The following EEPD1 variants were observed in gnomAD, a reference collection of about 807,000 sequenced individuals.
The protein encoded by EEPD1 is endonuclease/exonuclease/phosphatase family domain containing 1.
A neutral mutation model predicts 46.3 loss-of-function variants in EEPD1; 17 were observed. The observed-to-expected ratio is 0.37, with a 90% CI of 0.25 to 0.55. The LOEUF (loss-of-function observed/expected upper bound fraction) is 0.55, where lower values mean the gene tolerates loss of function less well. Among genes scored for constraint, EEPD1 ranks in the 20% least tolerant of loss-of-function variants. EEPD1 has a pLI of 0.83. For missense variants in EEPD1, 673 were observed against 745.6 expected (o/e 0.90, Z 1.13); for synonymous variants, 313 against 315.6 (o/e 0.99, Z 0.09).
chr7:36,293,223 A>G (rs1463037608), intron 6 of EEPD1, among the ~76,000 whole-genome samples: 1 of 152,212 alleles, frequency 6.6e-6, no homozygotes, highest in African/African-American at 2.4e-5. Flanking sequence ...ATAAGACTTC[A>G]GTGAAGAATT....
intron 6 of EEPD1, among the ~76,000 whole-genome samples, chr7:36,293,465 T>C (rs1360023824): frequency 2.0e-5 from 3 of 152,204 alleles, no homozygotes; most frequent in African/African-American, 7.2e-5. Context: ...TAAATCAGAA[T>C]CTCTACAGGT....
rs1308469223 is a variant in EEPD1 at position 36,154,987 on chromosome 7, C to T, written c.663C>T (p.Pro221=). The part of the protein sequence containing the change: ...LTFTAKPHPS[P]TSLSLQSEDL... ...TCACCGCCAAGCCTCACCCGAGCCC[C>T]ACTTCCCTGAGCCTGCAGAGTGAGG... Residue 221 remains proline (P), a synonymous_variant, in exon 2 of 8, where the codon CCC becomes CCT. Coordinates refer to ENST00000242108, the MANE Select transcript of EEPD1 (RefSeq NM_030636.3). This position sits in a 1 kb window ranked among gnomAD's most constrained non-coding sequence, Gnocchi z 4.2. 6.2e-7 allele frequency: 1 copy of T among 1,613,448 alleles called. No individual in the cohort carries two copies. Among genetic ancestry groups the T allele is most frequent in the Non-Finnish European group, 8.5e-7 (1 of 1,179,710 alleles).
At chr7:36,283,974 C>T (rs1787300470) in intron 4 of EEPD1, among the ~76,000 whole-genome samples, 1 of 152,180 alleles carries the variant, frequency 6.6e-6, no homozygotes, top group Non-Finnish European at 1.5e-5. Flanking sequence ...TGTCTTCTTC[C>T]ACAAGCCCCC....
chr7:36,189,718 A>C (rs1785428405), intron 2 of EEPD1, among the ~76,000 whole-genome samples: 2 of 152,190 alleles, frequency 1.3e-5, no homozygotes, highest in Non-Finnish European at 2.9e-5. Flanking sequence ...TTTCTTGCTG[A>C]GGGTATTTAA....
At chr7:36,181,098 G>C (rs577073850) in intron 2 of EEPD1, among the ~76,000 whole-genome samples, 1 of 152,262 alleles carries the variant, frequency 6.6e-6, no homozygotes, top group African/African-American at 2.4e-5. Flanking sequence ...ATGTGCATTT[G>C]ACAAGCTCCC....
intron 3 of EEPD1, among the ~76,000 whole-genome samples, chr7:36,267,657 C>T (rs1787043720): frequency 6.6e-6 from 1 of 152,168 alleles, no homozygotes; most frequent in South Asian, 2.1e-4. Context: ...GTTTTACATG[C>T]AGGTGATTAC....
chr7:36,178,065 T>C (rs887288483), intron 2 of EEPD1, among the ~76,000 whole-genome samples: 2 of 152,202 alleles, frequency 1.3e-5, no homozygotes, highest in East Asian at 3.9e-4. Flanking sequence ...AGTGTCTGAC[T>C]TAAGGTAAGT....
intron 2 of EEPD1, among the ~76,000 whole-genome samples, chr7:36,195,373 G>T (rs983674419): frequency 2.0e-5 from 3 of 152,206 alleles, no homozygotes; most frequent in Non-Finnish European, 4.4e-5. Context: ...ATGCCTCACT[G>T]CCTGCCTCTC....
Position 36,300,275 on chromosome 7 carries a change from GC to G in EEPD1, c.*1071del, listed in dbSNP as rs1787599385. ...TTGTGGGGAGGAAGCGAGGATGCGT[GC>G]CTGCCACTAGGCATCTGCATCCCCG... is the stretch of plus-strand genomic sequence containing the variant. On this transcript the variant is annotated 3_prime_UTR_variant, in exon 8 of 8. Transcript: ENST00000242108. 1 of 152,264 alleles carries G rather than the reference GC, an allele frequency of 6.6e-6. No individual in the cohort carries two copies. Among genetic ancestry groups the G allele is most frequent in the Non-Finnish European group, 1.5e-5 (1 of 68,068 alleles). 9.4% of individuals were successfully genotyped at this position (152,264 alleles called of 1,614,324 possible).
intron 2 of EEPD1, among the ~76,000 whole-genome samples, chr7:36,190,366 T>G (rs146601785): frequency 3.6e-4 from 55 of 152,322 alleles, no homozygotes; most frequent in African/African-American, 1.3e-3. Flanking sequence ...AGCGAGACCC[T>G]GTCTCAAACA....
intron 6 of EEPD1, among the ~76,000 whole-genome samples, chr7:36,289,773 C>T (rs1180286216): frequency 2.0e-5 from 3 of 152,208 alleles, no homozygotes; most frequent in Admixed American, 1.3e-4. Context: ...GGATTACAGG[C>T]GTGAGCCACA....
intron 4 of EEPD1, among the ~76,000 whole-genome samples, chr7:36,282,451 T>C (rs1390590639): frequency 6.6e-6 from 1 of 152,226 alleles, no homozygotes; most frequent in Non-Finnish European, 1.5e-5. Flanking sequence ...GAGCCTGACC[T>C]GGCCCCTCCC....
chr7:36,271,016 T>C (rs1787093744), intron 3 of EEPD1, among the ~76,000 whole-genome samples: 1 of 152,098 alleles, frequency 6.6e-6, no homozygotes, highest in African/African-American at 2.4e-5. Flanking sequence ...AGTTGGAGTC[T>C]TGCTCTGTCA....
At chr7:36,288,752 AC>A (rs1374546864) in intron 6 of EEPD1, among the ~76,000 whole-genome samples, 2 of 148,944 alleles carry the variant, frequency 1.3e-5, no homozygotes, top group African/African-American at 5.0e-5. Context: ...ACACAGCAAG[AC>A]CCCATCTCTT....
intron 2 of EEPD1, among the ~76,000 whole-genome samples, chr7:36,196,622 C>T (rs370539676): frequency 1.3e-5 from 2 of 152,358 alleles, no homozygotes; most frequent in South Asian, 2.1e-4. Context: ...CTGTGTTGGC[C>T]GGACTGGTCT....
chr7:36,215,066 C>T (rs1408257394), intron 2 of EEPD1, among the ~76,000 whole-genome samples: 2 of 152,154 alleles, frequency 1.3e-5, no homozygotes. Flanking sequence ...ACCAGAGGGG[C>T]CTCAATTGCA....
At chr7:36,246,813 A>G (rs1484931840) in intron 3 of EEPD1, among the ~76,000 whole-genome samples, 1 of 152,170 alleles carries the variant, frequency 6.6e-6, no homozygotes, top group Non-Finnish European at 1.5e-5. Context: ...GCATTTCATC[A>G]GCAAGCTTGG....
chr7:36,197,284 G>GT (rs1480457992), intron 2 of EEPD1, among the ~76,000 whole-genome samples: 1 of 145,614 alleles, frequency 6.9e-6, no homozygotes, highest in Non-Finnish European at 1.5e-5. Context: ...CGTCCGGGAG[G>GT]GAGGTGGGGG....
At chr7:36,233,740 G>A (rs1472875529) in intron 2 of EEPD1, among the ~76,000 whole-genome samples, 4 of 152,182 alleles carry the variant, frequency 2.6e-5, no homozygotes, top group Non-Finnish European at 5.9e-5. Flanking sequence ...AGATGGTGTT[G>A]GAAAGATCCT....
Sources: allele counts gnomAD v4.1 joint callset (sites outside exome capture counted in the v4.1 genomes callset), GRCh38; gene constraint gnomAD v4.1.1; non-coding constraint Gnocchi (gnomAD v3.1); transcripts MANE v1.5; gene names NCBI Gene and HGNC (gene_info 2026-07-23, HGNC 2026-07-21).